FAM185A: variants seen among roughly 807,000 people sequenced by gnomAD.
FAM185A encodes protein FAM185A.
In FAM185A, 21 loss-of-function variants were observed where a neutral mutation model predicts 45.7. That is an observed-to-expected ratio of 0.46 (90% CI 0.33 to 0.66). The LOEUF (loss-of-function observed/expected upper bound fraction) is 0.66. Among genes scored for constraint, FAM185A ranks in the 30% least tolerant of loss-of-function variants. The pLI is 0.03. For synonymous variants in FAM185A, 117 were observed against 194.0 expected, an observed-to-expected ratio of 0.60 and a Z score of 3.30; for missense variants, 305 against 485.4, an observed-to-expected ratio of 0.63 and a Z score of 3.49.
chr7:102,811,134 A>G (rs1042711737), downstream of FAM185A, among the ~76,000 whole-genome samples: 2 of 152,194 alleles, frequency 1.3e-5, no homozygotes, highest in South Asian at 2.1e-4. Context: ...CCCTCATGCA[A>G]TTACATAAAC....
chr7:102,767,056 A>G (rs1222981529), intron 4 of FAM185A, among the ~76,000 whole-genome samples: 1 of 152,066 alleles, frequency 6.6e-6, no homozygotes, highest in East Asian at 1.9e-4. Context: ...TCGGCCTCCC[A>G]AAGTGCTGGA....
chr7:102,836,795 G>A, the FAM185A span, among the ~76,000 whole-genome samples: 1 of 148,096 alleles, frequency 6.8e-6, no homozygotes, highest in African/African-American at 2.4e-5. Context: ...TTTATTGACT[G>A]TCACAATAAT....
At chr7:102,803,514 C>T (rs1038015028) in intron 7 of FAM185A, among the ~76,000 whole-genome samples, 3 of 152,112 alleles carry the variant, frequency 2.0e-5, no homozygotes, top group Non-Finnish European at 4.4e-5. Context: ...GCAAAATCGG[C>T]ATACAAGGGA....
chr7:102,808,308 G>A lies in FAM185A; in HGVS notation c.1085G>A (p.Ser362Asn), dbSNP rs529704423. The change falls in exon 8 of 8, where the codon AGC (serine) becomes AAC (asparagine). Residue 362 changes from serine (S) to asparagine (N), a missense_variant. Transcript: ENST00000413034. ...VTVTGLMNQA[S>N]KREKWIKADA... ...GTTTTAGGACTCATGAATCAAGCAAGCAAACGTGAAAAATGGATTAAGGCT... is the reference window on the plus strand; with the variant it reads ...GTTTTAGGACTCATGAATCAAGCAAACAAACGTGAAAAATGGATTAAGGCT... 6.4e-7 allele frequency: 1 copy of A among 1,551,634 alleles called. No individual in the cohort carries two copies. Among genetic ancestry groups the A allele is most frequent in the Non-Finnish European group, 8.7e-7 (1 of 1,146,858 alleles).
intron 7 of FAM185A, among the ~76,000 whole-genome samples, chr7:102,797,088 C>A (rs2129443470): frequency 6.6e-6 from 1 of 152,268 alleles, no homozygotes; most frequent in Admixed American, 6.5e-5. Context: ...AAAACTAGCT[C>A]AAAAATATTT....
chr7:102,810,008 C>T (rs1249666422), downstream of FAM185A, among the ~76,000 whole-genome samples: 1 of 152,066 alleles, frequency 6.6e-6, no homozygotes, highest in Non-Finnish European at 1.5e-5. Context: ...GTGCCTGCTC[C>T]CACTTTGCCT....
At chr7:102,756,388 T>G (rs1793738213) in intron 2 of FAM185A, among the ~76,000 whole-genome samples, 1 of 152,096 alleles carries the variant, frequency 6.6e-6, no homozygotes, top group African/African-American at 2.4e-5. Context: ...CCGGGTGCAG[T>G]GGCTCATGCC....
intron 7 of FAM185A, among the ~76,000 whole-genome samples, chr7:102,790,949 G>A (rs1350756248): frequency 2.6e-5 from 4 of 151,968 alleles, no homozygotes; most frequent in African/African-American, 9.7e-5. Flanking sequence ...GCCTTCTGAG[G>A]AGCTTACATT....
chr7:102,793,460 C>T (rs552887940), intron 7 of FAM185A, among the ~76,000 whole-genome samples: 18 of 152,158 alleles, frequency 1.2e-4, no homozygotes, highest in Non-Finnish European at 1.9e-4. Flanking sequence ...CCGCCCACCT[C>T]GGCCTCCCAA....
chr7:102,813,923 T>G (rs1048846478), downstream of FAM185A, among the ~76,000 whole-genome samples: 8 of 152,034 alleles, frequency 5.3e-5, no homozygotes, highest in African/African-American at 1.9e-4. Context: ...GGCCAGGAGC[T>G]CTTAACCCAG....
chr7:102,749,495 G>T lies in FAM185A; in HGVS notation c.288G>T (p.Pro96=). 2 of 1,531,880 alleles carry T rather than the reference G, an allele frequency of 1.3e-6. No homozygotes were observed. The highest frequency in any genetic ancestry group is 1.8e-6 in the Non-Finnish European group (2 of 1,139,288). The allele number at this position is 1,531,880 out of a possible 1,614,324, so 94.9% of individuals were successfully genotyped here. ...AVRPLDPLTY[P]DGDRVLVAVC... ...GGCCCCTGGACCCCCTCACCTACCC[G>T]GATGGCGACCGCGTGCTGGTCGCGG... Residue 96 remains proline (P), a synonymous_variant, in exon 1 of 8, where the codon CCG becomes CCT. Transcript: ENST00000413034.
intron 4 of FAM185A, among the ~76,000 whole-genome samples, chr7:102,769,125 G>A (rs1373256414): frequency 6.6e-6 from 1 of 152,046 alleles, no homozygotes; most frequent in Non-Finnish European, 1.5e-5. Context: ...TTTGTTTACT[G>A]TTTTATTTAG....
At chr7:102,825,057 A>G in the FAM185A span, among the ~76,000 whole-genome samples, 1 of 152,058 alleles carries the variant, frequency 6.6e-6, no homozygotes, top group Non-Finnish European at 1.5e-5. Flanking sequence ...ATTTCTGGTC[A>G]TTTCCGTTGT....
intron 7 of FAM185A, among the ~76,000 whole-genome samples, chr7:102,807,270 G>A (rs577679696): frequency 5.9e-5 from 9 of 152,150 alleles, no homozygotes; most frequent in African/African-American, 2.2e-4. Context: ...TGATGAATAT[G>A]TTGACTATCT....
At chr7:102,836,440 C>T in the FAM185A span, among the ~76,000 whole-genome samples, 12 of 152,174 alleles carry the variant, frequency 7.9e-5, no homozygotes, top group Admixed American at 7.2e-4. Context: ...CCATTTCCCC[C>T]CTACAGATAA....
At chr7:102,809,287 A>G (rs2129444233), downstream of FAM185A, 1 of 152,374 alleles carries the variant, frequency 6.6e-6, no homozygotes, top group South Asian at 2.1e-4. Flanking sequence ...GGAAAAAAGA[A>G]ACAGCTATTT....
At chr7:102,795,348 G>C (rs550893208) in intron 7 of FAM185A, among the ~76,000 whole-genome samples, 3 of 152,184 alleles carry the variant, frequency 2.0e-5, no homozygotes, top group African/African-American at 7.2e-5. Context: ...TTCAAAATAA[G>C]TTAAAAAAGA....
intron 6 of FAM185A, among the ~76,000 whole-genome samples, chr7:102,786,073 T>C (rs996459440): frequency 2.6e-5 from 4 of 151,890 alleles, no homozygotes; most frequent in Non-Finnish European, 5.9e-5. Context: ...AAAAGACACA[T>C]GAAAAAATGC....
chr7:102,832,740 CAA>C, the FAM185A span: 2 of 1,345,196 alleles, frequency 1.5e-6, no homozygotes, highest in Non-Finnish European at 9.8e-7. Flanking sequence ...TCAACCATGG[CAA>C]AGAGAACATA....
Sources: allele counts gnomAD v4.1 joint callset (sites outside exome capture counted in the v4.1 genomes callset), GRCh38; gene constraint gnomAD v4.1.1; transcripts MANE v1.5; gene names NCBI Gene and HGNC (gene_info 2026-07-23, HGNC 2026-07-21).